The following DAB1 variants were observed in gnomAD, a reference collection of about 807,000 sequenced individuals.
The protein encoded by DAB1 is DAB adaptor protein 1.
A neutral mutation model predicts 64.6 loss-of-function variants in DAB1; 15 were observed. That is an observed-to-expected ratio of 0.23 (90% confidence interval 0.16 to 0.36). DAB1 has a LOEUF of 0.36. Ranked by LOEUF, DAB1 falls within the 10% of genes least tolerant of loss-of-function variation. The pLI, the probability that DAB1 is intolerant of heterozygous loss-of-function variation, is 1.00. For synonymous variants in DAB1, 235 were observed against 251.9 expected (o/e 0.93, Z 0.64); for missense variants, 596 against 706.7 (o/e 0.84, Z 1.78).
At chr1:57,526,333 G>A (rs1332807115) in intron 7 of DAB1, among the ~76,000 whole-genome samples, 1 of 152,198 alleles carries the variant, frequency 6.6e-6, no homozygotes, top group East Asian at 1.9e-4. Flanking sequence ...AAGCCGTCTA[G>A]GAAATTTGTT....
At chr1:57,195,364 GAA>G (rs1483037909) in intron 2 of DAB1, among the ~76,000 whole-genome samples, 2 of 152,094 alleles carry the variant, frequency 1.3e-5, no homozygotes, top group African/African-American at 2.4e-5. Flanking sequence ...TATATTTGAG[GAA>G]CCAAATTACT....
intron 4 of DAB1, among the ~76,000 whole-genome samples, chr1:58,343,178 A>G (rs1265598289): frequency 6.6e-6 from 1 of 152,042 alleles, no homozygotes; most frequent in Non-Finnish European, 1.5e-5. Flanking sequence ...CTCATCTAGC[A>G]GTAGCTGCTA....
At chr1:57,035,056 CA>C (rs1647096546) in intron 9 of DAB1, among the ~76,000 whole-genome samples, 1 of 152,116 alleles carries the variant, frequency 6.6e-6, no homozygotes, top group Non-Finnish European at 1.5e-5. Flanking sequence ...GAAAAGCCAC[CA>C]CATCAAATAA....
At chr1:57,220,669 C>T (rs928322574) in intron 2 of DAB1, among the ~76,000 whole-genome samples, 2 of 152,182 alleles carry the variant, frequency 1.3e-5, no homozygotes, top group African/African-American at 4.8e-5. Context: ...CATCACTGAT[C>T]GTCAGAGAAA....
chr1:58,233,428 C>T (rs1406743219), intron 4 of DAB1, among the ~76,000 whole-genome samples: 1 of 152,118 alleles, frequency 6.6e-6, no homozygotes. Flanking sequence ...CCCCAGGGCC[C>T]TCCGATCACC....
chr1:58,198,642 C>T (rs1657824584), intron 4 of DAB1, among the ~76,000 whole-genome samples: 1 of 152,190 alleles, frequency 6.6e-6, no homozygotes, highest in Admixed American at 6.5e-5. Flanking sequence ...ATCTTTGACT[C>T]CAAGATTAGA....
At chr1:58,387,439 G>A (rs1644441730) in intron 3 of DAB1, among the ~76,000 whole-genome samples, 1 of 152,166 alleles carries the variant, frequency 6.6e-6, no homozygotes, top group South Asian at 2.1e-4. Flanking sequence ...GTGATTTTTA[G>A]GGAAAATAAA....
At chr1:58,466,495 G>A (rs1645297109) in intron 3 of DAB1, among the ~76,000 whole-genome samples, 1 of 152,144 alleles carries the variant, frequency 6.6e-6, no homozygotes, top group Admixed American at 6.5e-5. Flanking sequence ...GGGGGCCCAA[G>A]GGAGGTCCCT....
chr1:58,379,008 A>T (rs1003855945), intron 3 of DAB1, among the ~76,000 whole-genome samples: 3 of 148,424 alleles, frequency 2.0e-5, no homozygotes, highest in Non-Finnish European at 4.5e-5. Flanking sequence ...TGCGCTTCCC[A>T]GGTGAGGCAA....
In DAB1 at chr1:57,212,359, CTTTTT is replaced by C. The variant is rs57653531; in HGVS notation, c.68-66935_68-66931del. ...TAATATTACATGTATATATTATTTCCTTTTTTTTTTTTTTTTTTTTTTTTTTGACA... is the reference window on the plus strand; with the variant it reads ...TAATATTACATGTATATATTATTTCCTTTTTTTTTTTTTTTTTTTTTGACA... On this transcript the variant is annotated intron_variant, in intron 2 of 14. Coordinates refer to ENST00000371236, the MANE Select transcript of DAB1 (RefSeq NM_001365792.1). 9.7e-5 allele frequency among the ~76,000 whole-genome samples: 8 copies of C among 82,178 alleles called. No homozygotes were observed. The South Asian group carries it at 2.1e-3, about 22-fold the overall frequency. The allele number at this position is 82,178 out of a possible 152,430, so 53.9% of individuals were successfully genotyped here. A position where few individuals can be genotyped will look rare whatever the true frequency, so the allele number is the denominator to read the frequency against.
chr1:57,098,299 C>T (rs1374395876), intron 4 of DAB1, among the ~76,000 whole-genome samples: 1 of 152,124 alleles, frequency 6.6e-6, no homozygotes, highest in East Asian at 1.9e-4. Flanking sequence ...ATCTAATCTT[C>T]AGTACAACCC....
chr1:58,327,654 G>C (rs1662865713), intron 4 of DAB1, among the ~76,000 whole-genome samples: 1 of 152,154 alleles, frequency 6.6e-6, no homozygotes. Context: ...TCTCAGGGAA[G>C]TGACATTTAA....
intron 3 of DAB1, among the ~76,000 whole-genome samples, chr1:57,142,246 G>A (rs1658673077): frequency 6.6e-6 from 1 of 152,154 alleles, no homozygotes; most frequent in African/African-American, 2.4e-5. Flanking sequence ...GCTTCAGAGA[G>A]TCTAGCAAAG....
intron 2 of DAB1, among the ~76,000 whole-genome samples, chr1:57,235,301 G>C (rs149859027): frequency 1.7e-3 from 263 of 152,284 alleles, no homozygotes; most frequent in African/African-American, 6.0e-3. Flanking sequence ...CTAGTTTAGA[G>C]AATTTATGTC....
chr1:57,584,583 C>T (rs1429533838), intron 7 of DAB1, among the ~76,000 whole-genome samples: 2 of 152,176 alleles, frequency 1.3e-5, no homozygotes, highest in Non-Finnish European at 2.9e-5. Flanking sequence ...CCTGGGATAT[C>T]CTAATGTCTC....
At chr1:58,022,983 C>T (rs1432023686) in intron 5 of DAB1, among the ~76,000 whole-genome samples, 1 of 152,120 alleles carries the variant, frequency 6.6e-6, no homozygotes, top group Non-Finnish European at 1.5e-5. Context: ...CCTCAATAAA[C>T]ATGGTGTGAA....
intron 5 of DAB1, among the ~76,000 whole-genome samples, chr1:58,003,001 T>C (rs1276506651): frequency 6.6e-6 from 1 of 152,206 alleles, no homozygotes; most frequent in African/African-American, 2.4e-5. Flanking sequence ...GTCTAGTATA[T>C]AATGTTATTG....
At chr1:57,999,201 C>T (rs961821441) in intron 5 of DAB1, among the ~76,000 whole-genome samples, 2 of 152,146 alleles carry the variant, frequency 1.3e-5, no homozygotes, top group East Asian at 1.9e-4. Context: ...TTAAATACAT[C>T]GTTTCTCATA....
intron 5 of DAB1, among the ~76,000 whole-genome samples, chr1:58,003,202 C>A (rs563497027): frequency 7.9e-5 from 12 of 152,158 alleles, no homozygotes; most frequent in Non-Finnish European, 1.2e-4. Flanking sequence ...ATGGCCCAGT[C>A]ACCAGGGCAT....
Sources: gnomAD v4.1 joint callset for allele counts (sites outside exome capture counted in the v4.1 genomes callset) on GRCh38, gnomAD v4.1.1 for gene constraint, MANE v1.5 for transcripts, NCBI Gene and HGNC (gene_info 2026-07-23, HGNC 2026-07-21) for gene names.